SLC24A3: variants seen among roughly 807,000 people sequenced by gnomAD.
SLC24A3 encodes sodium/potassium/calcium exchanger 3.
Under a neutral mutation model 75.8 loss-of-function variants are expected in SLC24A3, and 28 were observed. The observed-to-expected ratio is 0.37, with a 90% CI of 0.27 to 0.51. The LOEUF is 0.51. Ranked by LOEUF, SLC24A3 falls within the 20% of genes least tolerant of loss-of-function variation. The probability of loss-of-function intolerance (pLI) is 0.94; values close to 1 mark genes in which losing one functional copy is unlikely to be tolerated. For synonymous variants in SLC24A3, 372 were observed against 334.1 expected (o/e 1.11, Z -1.24); for missense variants, 663 against 847.8 (o/e 0.78, Z 2.71).
At chr20:19,288,047 G>A (rs963229582) in intron 2 of SLC24A3, among the ~76,000 whole-genome samples, 5 of 152,206 alleles carry the variant, frequency 3.3e-5, no homozygotes, top group African/African-American at 1.2e-4. Flanking sequence ...AAATACAGTG[G>A]AAGGTAGGCT....
intron 6 of SLC24A3, among the ~76,000 whole-genome samples, chr20:19,613,776 A>G (rs1170910892): frequency 6.6e-6 from 1 of 152,218 alleles, no homozygotes; most frequent in South Asian, 2.1e-4. Context: ...CCTCTTCCCC[A>G]TCACATGAAA....
Position 19,543,317 on chromosome 20 carries a change from G to A in SLC24A3, c.348+27753G>A, listed in dbSNP as rs190276987. 2.1e-4 allele frequency among the ~76,000 whole-genome samples: 32 copies of A among 152,308 alleles called. 1 individual carries two copies. The East Asian group carries it at 4.3e-3, about 20-fold the overall frequency. ...GCCTATGGCAAGGAAAGAAAAAACC[G>A]GATACCAGTGGTTTTTTGCAGAGAA... On this transcript the variant is annotated intron_variant, in intron 3 of 16. Coordinates refer to ENST00000328041, the MANE Select transcript of SLC24A3 (RefSeq NM_020689.4).
At chr20:19,288,567 C>T (rs1183951363) in intron 2 of SLC24A3, among the ~76,000 whole-genome samples, 1 of 152,274 alleles carries the variant, frequency 6.6e-6, no homozygotes, top group Admixed American at 6.5e-5. Context: ...CATTTCAAAG[C>T]ATTTTCACAT....
intron 2 of SLC24A3, among the ~76,000 whole-genome samples, chr20:19,494,575 G>A (rs974492846): frequency 1.3e-5 from 2 of 152,170 alleles, no homozygotes; most frequent in Non-Finnish European, 2.9e-5. Context: ...GATGTTTGGG[G>A]TGGGAGTTTG....
chr20:19,576,689 C>T (rs776966353), intron 3 of SLC24A3, among the ~76,000 whole-genome samples: 1 of 152,164 alleles, frequency 6.6e-6, no homozygotes, highest in South Asian at 2.1e-4. Flanking sequence ...TCATCCCCCT[C>T]GAAGCGTGGA....
chr20:19,311,297 G>A (rs547208750), intron 2 of SLC24A3, among the ~76,000 whole-genome samples: 8 of 151,930 alleles, frequency 5.3e-5, no homozygotes, highest in African/African-American at 9.7e-5. Flanking sequence ...AGCAGGGCCC[G>A]CGGATGGGTT....
intron 2 of SLC24A3, among the ~76,000 whole-genome samples, chr20:19,358,298 T>C (rs925158622): frequency 6.6e-6 from 1 of 152,064 alleles, no homozygotes; most frequent in Non-Finnish European, 1.5e-5. Context: ...AGGTCTAAGA[T>C]TGGACTCAAC....
chr20:19,313,470 C>T (rs1049030555), intron 2 of SLC24A3, among the ~76,000 whole-genome samples: 8 of 152,148 alleles, frequency 5.3e-5, no homozygotes, highest in African/African-American at 1.9e-4. Flanking sequence ...TGTCTGGTTC[C>T]TCCCCTGTTT....
intron 2 of SLC24A3, among the ~76,000 whole-genome samples, chr20:19,407,942 C>T (rs1986677621): frequency 6.6e-6 from 1 of 152,194 alleles, no homozygotes; most frequent in Admixed American, 6.5e-5. Context: ...CTAAGGAAAC[C>T]TTGTGGCTTT....
At chr20:19,264,374 G>A (rs998390279) in intron 1 of SLC24A3, among the ~76,000 whole-genome samples, 1 of 152,082 alleles carries the variant, frequency 6.6e-6, no homozygotes, top group Non-Finnish European at 1.5e-5. Flanking sequence ...TTGCAATACA[G>A]CATTGCCCCA....
At chr20:19,538,119 G>A (rs1417789390) in intron 3 of SLC24A3, among the ~76,000 whole-genome samples, 2 of 152,202 alleles carry the variant, frequency 1.3e-5, no homozygotes, top group African/African-American at 4.8e-5. Context: ...AAGCCACGGT[G>A]TGGTTTCCAT....
intron 2 of SLC24A3, among the ~76,000 whole-genome samples, chr20:19,448,303 A>G (rs1475909843): frequency 1.3e-5 from 2 of 152,238 alleles, no homozygotes; most frequent in Non-Finnish European, 2.9e-5. Context: ...GGGTACTTAT[A>G]TACACAAGTC....
chr20:19,213,233 G>C (rs757189731), intron 1 of SLC24A3: 46 of 271,160 alleles, frequency 1.7e-4, no homozygotes, highest in Non-Finnish European at 2.8e-4. Flanking sequence ...ATTTACCTGT[G>C]CCCGCCTGTG....
intron 1 of SLC24A3, among the ~76,000 whole-genome samples, chr20:19,278,396 T>G (rs1983554891): frequency 6.6e-6 from 1 of 152,202 alleles, no homozygotes; most frequent in Non-Finnish European, 1.5e-5. Flanking sequence ...TCACCTCCCG[T>G]ATAAACCACC....
At chr20:19,499,639 C>G (rs531045704) in intron 2 of SLC24A3, among the ~76,000 whole-genome samples, 1 of 152,270 alleles carries the variant, frequency 6.6e-6, no homozygotes, top group South Asian at 2.1e-4. Context: ...ACCCTCATGA[C>G]CTAATTACCT....
chr20:19,540,966 G>A (rs139156337), intron 3 of SLC24A3, among the ~76,000 whole-genome samples: 4 of 152,204 alleles, frequency 2.6e-5, no homozygotes, highest in African/African-American at 9.6e-5. Flanking sequence ...AATCCTCCCC[G>A]TGTCCCAACC....
intron 2 of SLC24A3, among the ~76,000 whole-genome samples, chr20:19,437,374 C>G (rs1040161472): frequency 2.0e-4 from 30 of 152,304 alleles, no homozygotes; most frequent in African/African-American, 7.0e-4. Flanking sequence ...TTCTCTCTCC[C>G]GATTCCCTGT....
In SLC24A3 at chr20:19,545,168, G is replaced by A. The variant is rs574985856; in HGVS notation, c.348+29604G>A. On this transcript the variant is annotated intron_variant, in intron 3 of 16. Transcript: ENST00000328041. ...CATAAACATGGGAAATGCATGAAGC[G>A]GCTCTTAACTCAATATACTCACAGT... 5.3e-5 allele frequency among the ~76,000 whole-genome samples: 8 copies of A among 152,254 alleles called. No individual in the cohort carries two copies. The East Asian group carries it at 7.7e-4, about 15-fold the overall frequency.
At chr20:19,585,262 C>G (rs1286338049) in intron 5 of SLC24A3, among the ~76,000 whole-genome samples, 179 bp from the exon 6 acceptor site, 1 of 152,156 alleles carries the variant, frequency 6.6e-6, no homozygotes, top group Non-Finnish European at 1.5e-5. Flanking sequence ...TCCCAGACCC[C>G]AAGCCCATCA....
Sources: allele counts gnomAD v4.1 joint callset (sites outside exome capture counted in the v4.1 genomes callset), GRCh38; gene constraint gnomAD v4.1.1; transcripts MANE v1.5; gene names NCBI Gene and HGNC (gene_info 2026-07-23, HGNC 2026-07-21).